MEIOSIN: variants seen among roughly 807,000 people sequenced by gnomAD.
MEIOSIN encodes the protein meiosis initiator.
In MEIOSIN, 18 loss-of-function variants were observed where a neutral mutation model predicts 23.4. The ratio of observed to expected loss-of-function variants is 0.77; its 90% CI spans 0.53 to 1.14. The LOEUF is 1.14. Ranked by LOEUF, MEIOSIN falls within the 50% of genes most tolerant of loss-of-function variation. The probability of loss-of-function intolerance (pLI) is 0.00; values close to 1 mark genes in which losing one functional copy is unlikely to be tolerated. For synonymous variants in MEIOSIN, 187 were observed against 100.6 expected (o/e 1.86, Z -5.14); for missense variants, 428 against 242.9 (o/e 1.76, Z -5.07).
chr19:45,739,701 G>A lies in MEIOSIN; in HGVS notation c.147G>A (p.Glu49=). 1 of 703,580 alleles carries A rather than the reference G, an allele frequency of 1.4e-6. No individual in the cohort carries two copies. Among genetic ancestry groups the A allele is most frequent in the Non-Finnish European group, 2.6e-6 (1 of 385,134 alleles). The allele number at this position is 703,580 out of a possible 1,614,324, so 43.6% of individuals were successfully genotyped here. A position where few individuals can be genotyped will look rare whatever the true frequency, so the allele number is the denominator to read the frequency against. Residue 49 remains glutamate (E), a synonymous_variant, in exon 3 of 15, where the codon GAG becomes GAA. Coordinates refer to ENST00000457052, the MANE Select transcript of MEIOSIN (RefSeq NM_001310124.2). ...NPSEPHGLRM[E]EKWLLKGKLR... ...CCGAACCACATGGACTGAGAATGGA[G>A]GAGAAATGGTTGCTCAAAGGAAAAC...
chr19:45,740,471 C>T (rs982372109), intron 3 of MEIOSIN, among the ~76,000 whole-genome samples: 4 of 152,182 alleles, frequency 2.6e-5, no homozygotes, highest in African/African-American at 9.7e-5. Context: ...CAAATGAAGG[C>T]CGGGCACGGA....
In MEIOSIN at chr19:45,759,399, G is replaced by C. The variant is rs1239044223; in HGVS notation, c.1169-15G>C. The C allele has an allele frequency of 5.7e-6, 4 of 703,128 alleles. No homozygotes were observed. The Admixed American group carries it at 8.0e-5, about 14-fold the overall frequency. 43.6% of individuals were successfully genotyped at this position (703,128 alleles called of 1,614,324 possible). ...GCATTTCCACTCTGGCTGCCCCTCTGGTCTCCCTCCCTAGCGGCTTTCTTT... is the reference window on the plus strand; with the variant it reads ...GCATTTCCACTCTGGCTGCCCCTCTCGTCTCCCTCCCTAGCGGCTTTCTTT... On this transcript the variant is annotated splice_polypyrimidine_tract_variant and intron_variant, in intron 10 of 14. Transcript: ENST00000457052.
At chr19:45,752,497 G>A (rs941534920) in intron 5 of MEIOSIN, among the ~76,000 whole-genome samples, 5 of 151,996 alleles carry the variant, frequency 3.3e-5, no homozygotes. Context: ...GTGAGCCATC[G>A]TGCCTGGCTC....
chr19:45,740,722 C>A (rs906195946), intron 3 of MEIOSIN, among the ~76,000 whole-genome samples: 2 of 150,680 alleles, frequency 1.3e-5, no homozygotes, highest in African/African-American at 4.9e-5. Context: ...TGTACTCCAG[C>A]CTGGGCAACA....
intron 3 of MEIOSIN, 116 bp from the exon 4 acceptor site, chr19:45,745,076 G>T: frequency 1.5e-6 from 1 of 655,804 alleles, no homozygotes. Flanking sequence ...TGTCCTCGGT[G>T]TCCAGGGTGG....
At chr19:45,748,988 G>A (rs1472442643) in intron 4 of MEIOSIN, among the ~76,000 whole-genome samples, 1 of 151,828 alleles carries the variant, frequency 6.6e-6, no homozygotes, top group Non-Finnish European at 1.5e-5. Context: ...AGAATCGCTT[G>A]AACCTGGGAG....
intron 13 of MEIOSIN, among the ~76,000 whole-genome samples, chr19:45,762,974 A>C (rs1968978401): frequency 6.6e-6 from 1 of 152,058 alleles, no homozygotes; most frequent in Non-Finnish European, 1.5e-5. Context: ...AGAGGTCTCT[A>C]AGGTTTTAAG....
rs1969014460 is a variant in MEIOSIN, at chr19:45,764,259, C to T, written c.*141C>T. On this transcript the variant is annotated 3_prime_UTR_variant, in exon 15 of 15. Transcript: ENST00000457052. The stretch of plus-strand genomic sequence containing the variant: ...GGTCCCATGGGACTGGGGAGGGGGG[C>T]ACTGATTAGCCCCAACCGCTGGGCA... 2 of 397,312 alleles carry T rather than the reference C, an allele frequency of 5.0e-6. No individual in the cohort carries two copies. Among genetic ancestry groups the T allele is most frequent in the Non-Finnish European group, 8.9e-6 (2 of 225,832 alleles). The allele number at this position is 397,312 out of a possible 1,614,324, so 24.6% of individuals were successfully genotyped here.
At chr19:45,760,845 T>C (rs900946470) in intron 11 of MEIOSIN, among the ~76,000 whole-genome samples, 1 of 151,182 alleles carries the variant, frequency 6.6e-6, no homozygotes, top group African/African-American at 2.4e-5. Flanking sequence ...GGAGAATCAC[T>C]TGAACCCAAG....
intron 10 of MEIOSIN, among the ~76,000 whole-genome samples, 155 bp from the exon 11 acceptor site, chr19:45,759,259 G>A (rs1730055203): frequency 6.6e-6 from 1 of 152,240 alleles, no homozygotes; most frequent in Admixed American, 6.5e-5. Context: ...TGACCCAGGG[G>A]AGTGGGCTGT....
intron 5 of MEIOSIN, among the ~76,000 whole-genome samples, chr19:45,752,032 CGT>C (rs1491433917): frequency 8.3e-6 from 1 of 120,760 alleles, no homozygotes; most frequent in Non-Finnish European, 1.7e-5. Flanking sequence ...TGCTCCTAGC[CGT>C]TTTTTTTTTT....
intron 5 of MEIOSIN, among the ~76,000 whole-genome samples, chr19:45,751,531 T>G (rs1038490513): frequency 6.6e-6 from 1 of 151,592 alleles, no homozygotes; most frequent in African/African-American, 2.4e-5. Flanking sequence ...TTGTTTTGTT[T>G]TTTGTTTTTT....
intron 11 of MEIOSIN, 121 bp from the exon 12 acceptor site, chr19:45,761,558 C>T: frequency 1.7e-6 from 1 of 585,682 alleles, no homozygotes; most frequent in South Asian, 2.1e-5. Flanking sequence ...GCGTAAGCCA[C>T]CACACCCTGC....
At chr19:45,754,374 G>A (rs1005468358) in intron 6 of MEIOSIN, 105 bp from the exon 7 acceptor site, 1 of 615,642 alleles carries the variant, frequency 1.6e-6, no homozygotes, top group Non-Finnish European at 2.9e-6. Flanking sequence ...TACCAGGCCA[G>A]GCATAGCTTT....
At position 45,759,045 on chromosome 19, in the gene MEIOSIN, G is replaced by A; in HGVS notation, c.1168+12G>A. 1 of 703,058 alleles carries A rather than the reference G, an allele frequency of 1.4e-6. No individual in the cohort carries two copies. Among genetic ancestry groups the A allele is most frequent in the Non-Finnish European group, 2.6e-6 (1 of 384,994 alleles). 43.6% of individuals were successfully genotyped at this position (703,058 alleles called of 1,614,324 possible). Reference sequence around the variant, plus strand: ...GTACCTGACCCAAGGTGAGGCCCAGGCCTGGCCCTGATGCTTAGTTCATTC... The same window carrying A: ...GTACCTGACCCAAGGTGAGGCCCAGACCTGGCCCTGATGCTTAGTTCATTC... On this transcript the variant is annotated intron_variant, in intron 10 of 14. Coordinates refer to ENST00000457052, the MANE Select transcript of MEIOSIN (RefSeq NM_001310124.2).
chr19:45,751,043 C>G (rs191268738), intron 5 of MEIOSIN, among the ~76,000 whole-genome samples: 2,694 of 152,038 alleles, frequency 0.018, 31 homozygotes, highest in Non-Finnish European at 0.027. Flanking sequence ...GAGGCCGAGG[C>G]GGGCGGATCG....
intron 3 of MEIOSIN, among the ~76,000 whole-genome samples, chr19:45,742,553 A>G (rs1968524345): frequency 6.6e-6 from 1 of 151,886 alleles, no homozygotes; most frequent in Non-Finnish European, 1.5e-5. Context: ...GCCAAGGCGG[A>G]CAGATCATGA....
chr19:45,755,333 A>T (rs1447422275), intron 7 of MEIOSIN, among the ~76,000 whole-genome samples: 1 of 151,848 alleles, frequency 6.6e-6, no homozygotes, highest in Non-Finnish European at 1.5e-5. Context: ...TATTTTTAGT[A>T]CAAACAGGGT....
chr19:45,734,946 T>C (rs1373738039), intron 1 of MEIOSIN, among the ~76,000 whole-genome samples: 2 of 152,016 alleles, frequency 1.3e-5, no homozygotes, highest in African/African-American at 2.4e-5. Context: ...CAGGCTGGAG[T>C]GCAGTGGCTT....
Sources: gnomAD v4.1 joint callset for allele counts (sites outside exome capture counted in the v4.1 genomes callset) on GRCh38, gnomAD v4.1.1 for gene constraint, MANE v1.5 for transcripts, NCBI Gene and HGNC (gene_info 2026-07-23, HGNC 2026-07-21) for gene names.